Variants in N4BP1 observed in about 807,000 individuals in gnomAD.
N4BP1 encodes the protein NEDD4-binding protein 1.
Under a neutral mutation model 70.9 loss-of-function variants are expected in N4BP1, and 21 were observed. The observed-to-expected ratio is 0.30, with a 90% CI of 0.21 to 0.43. The LOEUF (loss-of-function observed/expected upper bound fraction) is 0.43. N4BP1 is among the 20% of genes least tolerant of loss of function. N4BP1 has a pLI of 1.00. For synonymous variants in N4BP1, 387 were observed against 394.6 expected, an observed-to-expected ratio of 0.98 and a Z score of 0.23; for missense variants, 936 against 1,069.4, an observed-to-expected ratio of 0.88 and a Z score of 1.74.
intron 1 of N4BP1, among the ~76,000 whole-genome samples, chr16:48,605,778 C>T (rs908096404): frequency 3.3e-5 from 5 of 152,172 alleles, no homozygotes; most frequent in African/African-American, 4.8e-5. Flanking sequence ...TTTCTCATGT[C>T]CCCCTAACTC....
intron 1 of N4BP1, among the ~76,000 whole-genome samples, chr16:48,597,760 C>T (rs1487392337): frequency 4.6e-5 from 7 of 152,168 alleles, no homozygotes; most frequent in African/African-American, 1.4e-4. Context: ...CCTCATGTCT[C>T]GTCATCTAGT....
At chr16:48,598,543 G>C (rs1964453481) in intron 1 of N4BP1, among the ~76,000 whole-genome samples, 1 of 152,230 alleles carries the variant, frequency 6.6e-6, no homozygotes, top group East Asian at 1.9e-4. Flanking sequence ...AAATTAATGA[G>C]ACTAAAAGAT....
Position 48,600,389 on chromosome 16 carries a change from T to A in N4BP1, c.198+9386A>T, listed in dbSNP as rs904516228. ...CATTTGAATATGAAAAACATAGAAA[T>A]GAAACCATCAAATACCAGTGAGAGC... On this transcript the variant is annotated intron_variant, in intron 1 of 6. Transcript: ENST00000262384. 6.9e-6 allele frequency: 5 copies of A among 721,636 alleles called. No homozygotes were observed. The Admixed American group carries it at 8.9e-5, about 13-fold the overall frequency. The allele number at this position is 721,636 out of a possible 1,614,324, so 44.7% of individuals were successfully genotyped here.
chr16:48,595,626 T>A (rs1276497364), intron 1 of N4BP1, among the ~76,000 whole-genome samples: 1 of 152,182 alleles, frequency 6.6e-6, no homozygotes, highest in East Asian at 1.9e-4. Flanking sequence ...GGTGATATAG[T>A]TATTTACATA....
chr16:48,562,143 T>C lies in N4BP1; in HGVS notation c.500A>G (p.His167Arg). The C allele has an allele frequency of 6.2e-7, 1 of 1,614,002 alleles. No individual in the cohort carries two copies. The change falls in exon 2 of 7, where the codon CAT becomes CGT. Residue 167 changes from histidine to arginine, a missense_variant. Around this residue, in one of 4 missense-constraint regions of N4BP1, gnomAD observed 187 missense variants for 217.1 expected, o/e 0.86. Transcript: ENST00000262384. ...CAAATCCATTGTGTAATTGTCTGCA[T>C]GGGCTTCAACAAATTGTTTGAATTC... ...KREFKQFVEA[H>R]ADNYTMDLLI...
chr16:48,553,440 C>A, intron 3 of N4BP1, 99 bp downstream of exon 3: 4 of 1,221,304 alleles, frequency 3.3e-6, no homozygotes, highest in Non-Finnish European at 4.3e-6. Context: ...AAAGCCGCTG[C>A]CTATGGCACA....
In N4BP1 at chr16:48,543,186, C is replaced by T; in HGVS notation, c.2409G>A (p.Gln803=). The part of the protein sequence containing the change: ...FDPSFRVPGT[Q]AASTSHQPPT... Reference sequence around the variant, plus strand: ...GAGGCTGGTGGCTGGTGCTGGCTGCCTGGGTGCCAGGGACTCTGAAGCTGG... The same window carrying T: ...GAGGCTGGTGGCTGGTGCTGGCTGCTTGGGTGCCAGGGACTCTGAAGCTGG... The change falls in exon 7 of 7, where the codon CAG becomes CAA. Residue 803 remains glutamine, a synonymous_variant. Coordinates refer to ENST00000262384, the MANE Select transcript of N4BP1 (RefSeq NM_153029.4). 1.3e-6 allele frequency: 2 copies of T among 1,592,528 alleles called. No individual in the cohort carries two copies. Among genetic ancestry groups the T allele is most frequent in the Non-Finnish European group, 1.7e-6 (2 of 1,166,304 alleles).
chr16:48,606,784 CA>C (rs752898946), intron 1 of N4BP1, among the ~76,000 whole-genome samples: 1 of 152,178 alleles, frequency 6.6e-6, no homozygotes, highest in Non-Finnish European at 1.5e-5. Context: ...ACAAGCAAAC[CA>C]CTTGGTGGGA....
At chr16:48,557,899 T>A (rs1357720799) in intron 2 of N4BP1, among the ~76,000 whole-genome samples, 3 of 152,196 alleles carry the variant, frequency 2.0e-5, no homozygotes, top group African/African-American at 7.2e-5. Context: ...CTTCATGGAA[T>A]CTAGTCAAAG....
chr16:48,578,566 CAACTAATTCTA>C (rs1272567352), intron 1 of N4BP1, among the ~76,000 whole-genome samples: 2 of 152,176 alleles, frequency 1.3e-5, no homozygotes, highest in Non-Finnish European at 2.9e-5. Flanking sequence ...GTGAACATGG[CAACTAATTCTA>C]AACTCTTCTT....
At chr16:48,544,389 C>G (rs898780810) in intron 6 of N4BP1, among the ~76,000 whole-genome samples, 12 of 152,210 alleles carry the variant, frequency 7.9e-5, no homozygotes, top group Non-Finnish European at 1.5e-4. Flanking sequence ...AAAAGATCAG[C>G]TGGAAAGTGT....
intron 1 of N4BP1, among the ~76,000 whole-genome samples, chr16:48,608,898 AAAG>A (rs1278300355): frequency 6.6e-6 from 1 of 152,102 alleles, no homozygotes; most frequent in Admixed American, 6.6e-5. Context: ...ATATCAATAC[AAAG>A]AATAACGCTA....
rs1236461475 is a variant in N4BP1 at position 48,610,005 on chromosome 16, G to T, written c.-33C>A. 2 of 1,116,024 alleles carry T rather than the reference G, an allele frequency of 1.8e-6. No individual in the cohort carries two copies. The highest frequency in any genetic ancestry group is 3.3e-5 in the African/African-American group (2 of 60,344). 69.1% of individuals were successfully genotyped at this position (1,116,024 alleles called of 1,614,324 possible). ...GCGGCCTCCCGCGGCGGCGCCGGGG[G>T]CCGGCGGCGGCGACGCCCCCTCAGC... On this transcript the variant is annotated 5_prime_UTR_variant, in exon 1 of 7. Coordinates refer to ENST00000262384, the MANE Select transcript of N4BP1 (RefSeq NM_153029.4).
intron 3 of N4BP1, among the ~76,000 whole-genome samples, chr16:48,552,660 T>C (rs754391813): frequency 8.4e-6 from 1 of 119,344 alleles, no homozygotes; most frequent in African/African-American, 3.2e-5. Context: ...ATCATGCCGC[T>C]GCACTCCAGC....
At chr16:48,558,966 C>T (rs887867350) in intron 2 of N4BP1, among the ~76,000 whole-genome samples, 1 of 152,174 alleles carries the variant, frequency 6.6e-6, no homozygotes. Context: ...CAAAACACAG[C>T]TTCGATAATT....
intron 5 of N4BP1, among the ~76,000 whole-genome samples, chr16:48,547,604 C>T (rs113385890): frequency 1.3e-5 from 2 of 152,262 alleles, no homozygotes; most frequent in African/African-American, 4.8e-5. Context: ...AGTCAGCACA[C>T]ATTGCTTTCG....
chr16:48,595,615 T>G (rs1430384742), intron 1 of N4BP1, among the ~76,000 whole-genome samples: 1 of 152,220 alleles, frequency 6.6e-6, no homozygotes, highest in South Asian at 2.1e-4. Context: ...TTTTAACTTA[T>G]GGTGATATAG....
rs779874961 is a variant in N4BP1 at position 48,542,704 on chromosome 16, G to A, written c.*200C>T. The A allele has an allele frequency of 1.1e-4, 52 of 460,178 alleles. No homozygotes were observed. The highest frequency in any genetic ancestry group is 1.9e-4 in the Non-Finnish European group (49 of 262,506). 28.5% of individuals were successfully genotyped at this position (460,178 alleles called of 1,614,324 possible). On this transcript the variant is annotated 3_prime_UTR_variant, in exon 7 of 7. Transcript: ENST00000262384. ...TCCTTTAACAGAAAATGTTAAATCT[G>A]TAATAGCAGCATAATTTATATATAG... is the stretch of plus-strand genomic sequence containing the variant.
intron 1 of N4BP1, among the ~76,000 whole-genome samples, chr16:48,579,987 T>C (rs571969884): frequency 2.0e-4 from 30 of 152,202 alleles, no homozygotes; most frequent in South Asian, 1.0e-3. Flanking sequence ...TTTGAAGGGA[T>C]AGACTATAAT....
Sources: allele counts gnomAD v4.1 joint callset (sites outside exome capture counted in the v4.1 genomes callset), GRCh38; gene constraint gnomAD v4.1.1; regional missense constraint gnomAD v4.1.1; transcripts MANE v1.5; gene names NCBI Gene and HGNC (gene_info 2026-07-23, HGNC 2026-07-21).